Variants in CDH12 observed in about 807,000 individuals in gnomAD.
The protein encoded by CDH12 is cadherin-12.
A neutral mutation model predicts 74.1 loss-of-function variants in CDH12; 41 were observed. The observed-to-expected ratio is 0.55, with a 90% confidence interval of 0.43 to 0.72. CDH12 has a LOEUF of 0.72. CDH12 is among the 30% of genes least tolerant of loss of function. The pLI, the probability that CDH12 is intolerant of heterozygous loss-of-function variation, is 0.00. For synonymous variants in CDH12, 399 were observed against 355.0 expected (o/e 1.12, Z -1.39); for missense variants, 945 against 977.2 (o/e 0.97, Z 0.44).
chr5:21,812,704 A>G (rs769475186), intron 9 of CDH12, among the ~76,000 whole-genome samples: 5 of 152,202 alleles, frequency 3.3e-5, no homozygotes, highest in Non-Finnish European at 7.4e-5. Flanking sequence ...ATGTGTGCAT[A>G]TAAACACAAT....
chr5:22,033,847 C>T (rs1185865865), intron 5 of CDH12, among the ~76,000 whole-genome samples: 1 of 152,148 alleles, frequency 6.6e-6, no homozygotes, highest in East Asian at 1.9e-4. Flanking sequence ...TCACAGAGCC[C>T]TGTACTCTCC....
At chr5:22,756,840 A>G (rs1293925022) in intron 1 of CDH12, among the ~76,000 whole-genome samples, 6 of 151,926 alleles carry the variant, frequency 3.9e-5, no homozygotes, top group Non-Finnish European at 7.4e-5. Flanking sequence ...GATGCCTGTA[A>G]TCCCAACTAC....
intron 1 of CDH12, among the ~76,000 whole-genome samples, chr5:22,561,447 A>G (rs1378400306): frequency 6.6e-6 from 1 of 152,194 alleles, no homozygotes; most frequent in African/African-American, 2.4e-5. Context: ...CATATAATTA[A>G]AACAAATTAA....
Position 21,854,674 on chromosome 5 carries a change from T to A in CDH12, c.643A>T (p.Thr215Ser). ...GQPYFSIDPKTGVIRTALPNM... is the reference protein window; with the variant it reads ...GQPYFSIDPKSGVIRTALPNM... Reference sequence around the variant, plus strand: ...TTGCCTCTAATAAAAAATTTACCTGTCTTGGGATCAATAGAGAAATAAGGT... The same window carrying A: ...TTGCCTCTAATAAAAAATTTACCTGACTTGGGATCAATAGAGAAATAAGGT... The change falls in exon 7 of 15, where the codon ACA becomes TCA. Residue 215 changes from threonine to serine, a missense_variant. Around this residue, in one of 3 missense-constraint regions of CDH12, gnomAD observed 791 missense variants for 792.8 expected, o/e 1.00. Transcript: ENST00000382254. The A allele has an allele frequency of 6.2e-7, 1 of 1,605,600 alleles. No homozygotes were observed. Among genetic ancestry groups the A allele is most frequent in the African/African-American group, 1.3e-5 (1 of 74,530 alleles).
intron 3 of CDH12, among the ~76,000 whole-genome samples, chr5:22,301,376 G>C (rs746180667): frequency 6.6e-6 from 1 of 152,104 alleles, no homozygotes; most frequent in Non-Finnish European, 1.5e-5. Flanking sequence ...AGATGACAAG[G>C]ATAAGAAACA....
intron 2 of CDH12, among the ~76,000 whole-genome samples, chr5:22,445,072 A>G (rs1431463842): frequency 6.6e-6 from 1 of 152,138 alleles, no homozygotes; most frequent in Non-Finnish European, 1.5e-5. Flanking sequence ...TTAAATGTAG[A>G]CAATGTAAAT....
chr5:22,850,884 C>T (rs1028986322), intron 1 of CDH12, among the ~76,000 whole-genome samples: 39 of 152,074 alleles, frequency 2.6e-4, no homozygotes, highest in African/African-American at 8.9e-4. Flanking sequence ...ATTTGATGTT[C>T]ATCACAATGC....
At chr5:22,436,880 A>T (rs1022792157) in intron 2 of CDH12, among the ~76,000 whole-genome samples, 2 of 152,112 alleles carry the variant, frequency 1.3e-5, no homozygotes, top group Non-Finnish European at 2.9e-5. Context: ...AGAACAAAGA[A>T]CGTTGTTTCC....
At chr5:21,989,266 C>A (rs1293003012) in intron 5 of CDH12, among the ~76,000 whole-genome samples, 1 of 152,064 alleles carries the variant, frequency 6.6e-6, no homozygotes, top group Admixed American at 6.5e-5. Context: ...ATCAAATAAA[C>A]ATGTAGTTTC....
intron 4 of CDH12, among the ~76,000 whole-genome samples, chr5:22,186,257 T>C (rs1749940287): frequency 6.6e-6 from 1 of 152,212 alleles, no homozygotes; most frequent in Non-Finnish European, 1.5e-5. Flanking sequence ...ATAACTATTG[T>C]CATTCAGTAA....
At chr5:22,619,009 C>A (rs1474513923) in intron 1 of CDH12, among the ~76,000 whole-genome samples, 1 of 152,124 alleles carries the variant, frequency 6.6e-6, no homozygotes, top group Non-Finnish European at 1.5e-5. Flanking sequence ...GTTCATTAAA[C>A]CCCTTTCCTC....
At chr5:22,330,562 C>T (rs533923323) in intron 3 of CDH12, among the ~76,000 whole-genome samples, 1 of 151,932 alleles carries the variant, frequency 6.6e-6, no homozygotes, top group South Asian at 2.1e-4. Flanking sequence ...ACAATCCTGG[C>T]TAACATGGTG....
chr5:21,786,078 C>T (rs770497439), intron 10 of CDH12, among the ~76,000 whole-genome samples: 17 of 152,152 alleles, frequency 1.1e-4, no homozygotes, highest in African/African-American at 4.1e-4. Context: ...ATGAATTTTG[C>T]TAAATCTACT....
intron 6 of CDH12, among the ~76,000 whole-genome samples, chr5:21,900,628 T>G (rs576121140): frequency 1.1e-4 from 16 of 152,294 alleles, no homozygotes; most frequent in African/African-American, 3.4e-4. Context: ...ATTTATCTTT[T>G]TTCACTAAGG....
intron 4 of CDH12, among the ~76,000 whole-genome samples, chr5:22,089,501 A>T (rs2150236084): frequency 6.6e-6 from 1 of 152,336 alleles, no homozygotes; most frequent in East Asian, 1.9e-4. Flanking sequence ...GACAGTTGAT[A>T]ATATCTCATC....
intron 3 of CDH12, among the ~76,000 whole-genome samples, chr5:22,314,122 T>C (rs1250297510): frequency 6.6e-6 from 1 of 152,210 alleles, no homozygotes; most frequent in African/African-American, 2.4e-5. Flanking sequence ...TTGGGGCATA[T>C]GGAGCTTGAG....
chr5:22,145,396 A>T (rs1343699780), intron 4 of CDH12, among the ~76,000 whole-genome samples: 1 of 151,898 alleles, frequency 6.6e-6, no homozygotes, highest in East Asian at 1.9e-4. Flanking sequence ...CATGAAAGAG[A>T]TTCTTAATTA....
intron 10 of CDH12, among the ~76,000 whole-genome samples, chr5:21,796,343 GT>G (rs1746778560): frequency 6.6e-6 from 1 of 151,088 alleles, no homozygotes; most frequent in Admixed American, 6.7e-5. Flanking sequence ...ATAATAAAGA[GT>G]TGAATATCTT....
chr5:22,577,834 C>A (rs1007361067), intron 1 of CDH12, among the ~76,000 whole-genome samples: 1 of 152,220 alleles, frequency 6.6e-6, no homozygotes, highest in Admixed American at 6.5e-5. Flanking sequence ...TGCAAGAAGA[C>A]CTAAAATTTT....
Sources: gnomAD v4.1 joint callset for allele counts (sites outside exome capture counted in the v4.1 genomes callset) on GRCh38, gnomAD v4.1.1 for gene constraint, gnomAD v4.1.1 regional missense constraint, MANE v1.5 for transcripts, NCBI Gene and HGNC (gene_info 2026-07-23, HGNC 2026-07-21) for gene names.